The following AFG2A variants were observed in gnomAD, a reference collection of about 807,000 sequenced individuals.
The protein encoded by AFG2A is ATPase family gene 2 protein homolog A.
the AFG2A span, among the ~76,000 whole-genome samples, chr4:122,951,652 T>C: frequency 7.0e-4 from 107 of 152,294 alleles, no homozygotes; most frequent in Non-Finnish European, 1.3e-3. Context: ...TGGGTCTGGC[T>C]TATAGAGGAG....
chr4:123,068,225 G>A, the AFG2A span, among the ~76,000 whole-genome samples: 1 of 151,480 alleles, frequency 6.6e-6, no homozygotes, highest in Non-Finnish European at 1.5e-5. Flanking sequence ...TCAGTTTTAT[G>A]GTTTTTGTTT....
At chr4:123,193,256 T>C in the AFG2A span, among the ~76,000 whole-genome samples, 1 of 152,224 alleles carries the variant, frequency 6.6e-6, no homozygotes, top group Non-Finnish European at 1.5e-5. Context: ...CACATTAGCA[T>C]CCATAGTGCT....
At chr4:123,093,892 A>G in the AFG2A span, among the ~76,000 whole-genome samples, 2 of 152,200 alleles carry the variant, frequency 1.3e-5, no homozygotes, top group Admixed American at 6.5e-5. Context: ...GAAAATTACA[A>G]TTATAAGGAA....
the AFG2A span, among the ~76,000 whole-genome samples, chr4:122,940,845 A>C: frequency 1.3e-5 from 2 of 151,340 alleles, no homozygotes; most frequent in African/African-American, 4.9e-5. Context: ...TCAGCTTTCT[A>C]CATATGGCTA....
the AFG2A span, among the ~76,000 whole-genome samples, chr4:123,289,478 C>T: frequency 6.6e-6 from 1 of 152,154 alleles, no homozygotes; most frequent in East Asian, 1.9e-4. Flanking sequence ...TAAACATATA[C>T]ATGCAGATGT....
At chr4:122,977,929 G>A in the AFG2A span, among the ~76,000 whole-genome samples, 5 of 152,192 alleles carry the variant, frequency 3.3e-5, no homozygotes, top group Admixed American at 6.5e-5. Flanking sequence ...CTAGCTTTCC[G>A]CAGAGAGGAC....
At chr4:123,050,739 C>CTTTTTTTTTTTTTTTT in the AFG2A span, among the ~76,000 whole-genome samples, 2 of 140,300 alleles carry the variant, frequency 1.4e-5, no homozygotes, top group African/African-American at 5.3e-5. Context: ...ATAGTTGTGT[C>CTTTTTTTTTTTTTTTT]TTTTTTTTTT....
At chr4:123,001,252 C>T in the AFG2A span, among the ~76,000 whole-genome samples, 2 of 152,110 alleles carry the variant, frequency 1.3e-5, no homozygotes, top group Non-Finnish European at 2.9e-5. Flanking sequence ...TTCCAAAAAC[C>T]AGCTCCTGGA....
At chr4:123,213,268 T>C in the AFG2A span, among the ~76,000 whole-genome samples, 87,111 of 151,956 alleles carry the variant, frequency 0.57, 27,406 homozygotes, top group Non-Finnish European at 0.69. Flanking sequence ...AATGGGTATA[T>C]ATCCTGTATA....
chr4:122,961,375 G>A, the AFG2A span, among the ~76,000 whole-genome samples: 1 of 152,170 alleles, frequency 6.6e-6, no homozygotes, highest in Non-Finnish European at 1.5e-5. Context: ...TAAAAGATAG[G>A]GAACTCTGGC....
chr4:123,208,855 T>C, the AFG2A span, among the ~76,000 whole-genome samples: 1 of 152,234 alleles, frequency 6.6e-6, no homozygotes, highest in Non-Finnish European at 1.5e-5. Flanking sequence ...TTTCCTGGCA[T>C]GCAACTCCTA....
the AFG2A span, among the ~76,000 whole-genome samples, chr4:122,955,765 G>T: frequency 6.6e-6 from 1 of 152,162 alleles, no homozygotes; most frequent in South Asian, 2.1e-4. Flanking sequence ...TCACAGTTGG[G>T]AGAGACTGCA....
chr4:123,007,240 G>A, the AFG2A span, among the ~76,000 whole-genome samples: 1 of 152,044 alleles, frequency 6.6e-6, no homozygotes, highest in African/African-American at 2.4e-5. Flanking sequence ...ACTCTATTGA[G>A]GTAGGGCCCT....
the AFG2A span, among the ~76,000 whole-genome samples, chr4:122,953,607 G>A: frequency 1.3e-5 from 2 of 152,194 alleles, no homozygotes; most frequent in Non-Finnish European, 2.9e-5. Flanking sequence ...GAAGGGTGGC[G>A]GGCTGAACCT....
the AFG2A span, among the ~76,000 whole-genome samples, chr4:123,194,589 G>T: frequency 0.52 from 79,564 of 151,662 alleles, 24,183 homozygotes; most frequent in Non-Finnish European, 0.67. Context: ...TACATGAAAT[G>T]ATATGAAGTT....
the AFG2A span, among the ~76,000 whole-genome samples, chr4:123,091,141 G>A: frequency 6.6e-6 from 1 of 152,198 alleles, no homozygotes; most frequent in Non-Finnish European, 1.5e-5. Flanking sequence ...GTTTTTAGGG[G>A]AGGACTGGAG....
the AFG2A span, among the ~76,000 whole-genome samples, chr4:122,940,000 A>C: frequency 2.1e-4 from 32 of 152,174 alleles, no homozygotes; most frequent in African/African-American, 7.5e-4. Flanking sequence ...CATGGTGTAT[A>C]TGTGCCACAT....
chr4:123,103,991 A>G, the AFG2A span, among the ~76,000 whole-genome samples: 1 of 152,080 alleles, frequency 6.6e-6, no homozygotes, highest in Non-Finnish European at 1.5e-5. Context: ...GCAATGGGAA[A>G]CTTTTTGGAA....
the AFG2A span, among the ~76,000 whole-genome samples, chr4:123,203,357 C>T: frequency 6.6e-6 from 1 of 152,066 alleles, no homozygotes; most frequent in African/African-American, 2.4e-5. Context: ...GAATCTTGCT[C>T]TGTCACCCAG....
Sources: gnomAD v4.1 joint callset for allele counts (sites outside exome capture counted in the v4.1 genomes callset) on GRCh38, gnomAD v4.1.1 for gene constraint, MANE v1.5 for transcripts, NCBI Gene and HGNC (gene_info 2026-07-23, HGNC 2026-07-21) for gene names.